The following MARCHF1 variants were observed in gnomAD, a reference collection of about 807,000 sequenced individuals.
MARCHF1 encodes the protein E3 ubiquitin-protein ligase MARCHF1.
Under a neutral mutation model 54.2 loss-of-function variants are expected in MARCHF1, and 40 were observed. The ratio of observed to expected loss-of-function variants is 0.74; its 90% CI spans 0.57 to 0.96. The LOEUF (loss-of-function observed/expected upper bound fraction) is 0.96, where lower values mean the gene tolerates loss of function less well. Among genes scored for constraint, MARCHF1 ranks in the 40% least tolerant of loss-of-function variants. The pLI, the probability that MARCHF1 is intolerant of heterozygous loss-of-function variation, is 0.00. For synonymous variants in MARCHF1, 236 were observed against 236.3 expected (o/e 1.00, Z 0.01); for missense variants, 586 against 656.5 (o/e 0.89, Z 1.17).
intron 3 of MARCHF1, among the ~76,000 whole-genome samples, chr4:163,897,975 G>A (rs1750849324): frequency 1.3e-5 from 2 of 149,246 alleles, no homozygotes; most frequent in South Asian, 4.2e-4. Flanking sequence ...GTGGGAGAAT[G>A]GCACGAACCC....
chr4:164,188,668 G>A, intron 1 of MARCHF1: 1 of 1,106,224 alleles, frequency 9.0e-7, no homozygotes, highest in South Asian at 1.2e-5. Context: ...ACGCCAAGTG[G>A]CTCATCGGCC....
At chr4:163,593,284 A>G (rs1370767694) in intron 7 of MARCHF1, among the ~76,000 whole-genome samples, 3 of 152,194 alleles carry the variant, frequency 2.0e-5, no homozygotes, top group African/African-American at 7.2e-5. Flanking sequence ...TAAGACTGAC[A>G]AAATTAAACT....
intron 2 of MARCHF1, among the ~76,000 whole-genome samples, chr4:164,100,509 G>A (rs1755519561): frequency 6.6e-6 from 1 of 152,172 alleles, no homozygotes; most frequent in Non-Finnish European, 1.5e-5. Flanking sequence ...AGCAATACAG[G>A]CTAAATAAGA....
chr4:163,964,004 G>A (rs919476118), intron 3 of MARCHF1, among the ~76,000 whole-genome samples: 1 of 151,950 alleles, frequency 6.6e-6, no homozygotes, highest in Admixed American at 6.6e-5. Flanking sequence ...ATTGTTGGTT[G>A]TTTTACTTTG....
chr4:163,531,258 C>T (rs2110862910), intron 9 of MARCHF1, among the ~76,000 whole-genome samples: 1 of 151,842 alleles, frequency 6.6e-6, no homozygotes, highest in South Asian at 2.1e-4. Context: ...TTGAATTCAA[C>T]AATGTATAAA....
intron 2 of MARCHF1, among the ~76,000 whole-genome samples, chr4:164,055,908 C>A (rs983901568): frequency 5.9e-5 from 9 of 152,058 alleles, no homozygotes; most frequent in African/African-American, 1.9e-4. Flanking sequence ...CTTCTTTAGT[C>A]AAGTCTGTTT....
chr4:163,686,149 A>G (rs150689754), intron 5 of MARCHF1, among the ~76,000 whole-genome samples: 14 of 152,312 alleles, frequency 9.2e-5, no homozygotes, highest in African/African-American at 2.9e-4. Context: ...TCTTATTAAT[A>G]TTAGTAAGAC....
intron 1 of MARCHF1, among the ~76,000 whole-genome samples, chr4:164,241,752 A>C (rs7436217): frequency 6.6e-6 from 1 of 151,886 alleles, no homozygotes; most frequent in Admixed American, 6.5e-5. Flanking sequence ...GACAGTGGGC[A>C]CAGGTCAGTG....
chr4:163,662,128 G>T (rs999528577), intron 5 of MARCHF1, among the ~76,000 whole-genome samples: 9 of 151,742 alleles, frequency 5.9e-5, no homozygotes, highest in Non-Finnish European at 1.3e-4. Flanking sequence ...CATTCATTTT[G>T]CTAGGTACAC....
At chr4:164,110,696 T>C (rs1212646560) in intron 2 of MARCHF1, among the ~76,000 whole-genome samples, 1 of 120,494 alleles carries the variant, frequency 8.3e-6, no homozygotes, top group Non-Finnish European at 1.8e-5. Context: ...TGAAAAAAAG[T>C]CTGCTTCAAT....
At chr4:163,604,784 G>T (rs1451809706) in intron 7 of MARCHF1, among the ~76,000 whole-genome samples, 1 of 151,930 alleles carries the variant, frequency 6.6e-6, no homozygotes, top group East Asian at 1.9e-4. Flanking sequence ...ACTCATCTCT[G>T]GTCTGGGTGT....
chr4:163,604,940 A>C (rs1302221358), intron 7 of MARCHF1, among the ~76,000 whole-genome samples: 2 of 152,114 alleles, frequency 1.3e-5, no homozygotes, highest in Non-Finnish European at 2.9e-5. Context: ...AGCTTCATTC[A>C]CAGATTTTTT....
intron 8 of MARCHF1, among the ~76,000 whole-genome samples, chr4:163,582,159 G>C (rs973409226): frequency 1.3e-5 from 2 of 152,150 alleles, no homozygotes; most frequent in African/African-American, 4.8e-5. Context: ...AGTTGATCTT[G>C]AGTGCACTTC....
intron 3 of MARCHF1, among the ~76,000 whole-genome samples, chr4:163,935,255 G>C (rs1347002835): frequency 6.6e-6 from 1 of 152,232 alleles, no homozygotes; most frequent in East Asian, 1.9e-4. Context: ...TCCTCTAACA[G>C]AAGAGTCAGC....
At chr4:163,672,176 T>G (rs964422489) in intron 5 of MARCHF1, among the ~76,000 whole-genome samples, 2 of 152,200 alleles carry the variant, frequency 1.3e-5, no homozygotes, top group African/African-American at 4.8e-5. Context: ...ATCTATAAAA[T>G]TGGGATAATA....
intron 8 of MARCHF1, among the ~76,000 whole-genome samples, chr4:163,581,835 G>A (rs1280735635): frequency 6.6e-6 from 1 of 152,068 alleles, no homozygotes; most frequent in African/African-American, 2.4e-5. Context: ...CAAAAATGGT[G>A]CATATGGCTC....
intron 4 of MARCHF1, among the ~76,000 whole-genome samples, chr4:163,724,475 C>G (rs971404823): frequency 3.9e-5 from 6 of 152,346 alleles, no homozygotes; most frequent in African/African-American, 1.4e-4. Context: ...CTTGAGGAGG[C>G]AGTCTGTCCG....
At chr4:163,969,847 TG>T (rs1752514866) in intron 3 of MARCHF1, among the ~76,000 whole-genome samples, 1 of 152,182 alleles carries the variant, frequency 6.6e-6, no homozygotes, top group Admixed American at 6.5e-5. Flanking sequence ...ACACATGTTT[TG>T]GGGGAAAACG....
intron 3 of MARCHF1, among the ~76,000 whole-genome samples, chr4:163,905,924 A>G (rs1751056373): frequency 6.6e-6 from 1 of 152,074 alleles, no homozygotes; most frequent in Admixed American, 6.6e-5. Flanking sequence ...GGATCTTCTA[A>G]GTCACATGGA....
Sources: gnomAD v4.1 joint callset for allele counts (sites outside exome capture counted in the v4.1 genomes callset) on GRCh38, gnomAD v4.1.1 for gene constraint, MANE v1.5 for transcripts, NCBI Gene and HGNC (gene_info 2026-07-23, HGNC 2026-07-21) for gene names.